The following EIF5A2 variants were observed in gnomAD, a reference collection of about 807,000 sequenced individuals.
EIF5A2 encodes eukaryotic translation initiation factor 5A-2.
A neutral mutation model predicts 16.4 loss-of-function variants in EIF5A2; 15 were observed. The observed-to-expected ratio is 0.92, with a 90% CI of 0.61 to 1.41. The LOEUF (loss-of-function observed/expected upper bound fraction) is 1.41, where lower values mean the gene tolerates loss of function less well. Among genes scored for constraint, EIF5A2 ranks in the 40% most tolerant of loss-of-function variants. The pLI, the probability that EIF5A2 is intolerant of heterozygous loss-of-function variation, is 0.00. For missense variants in EIF5A2, 144 were observed against 189.5 expected, an observed-to-expected ratio of 0.76 and a Z score of 1.41; for synonymous variants, 48 against 61.1, an observed-to-expected ratio of 0.79 and a Z score of 1.00.
In EIF5A2 at chr3:170,891,028, C is replaced by T. The variant is rs996498676; in HGVS notation, c.*2332G>A. ...AATATTTATGCATAAATAGCGTTTG[C>T]CATTCAAAGTATGAAGATAGAGATG... On this transcript the variant is annotated 3_prime_UTR_variant, in exon 5 of 5. Transcript: ENST00000295822. 1 of 152,394 alleles carries T rather than the reference C, an allele frequency of 6.6e-6. No homozygotes were observed. 9.4% of individuals were successfully genotyped at this position (152,394 alleles called of 1,614,324 possible). A position where few individuals can be genotyped will look rare whatever the true frequency, so the allele number is the denominator to read the frequency against.
chr3:170,893,537 G>A (rs2108291889), intron 4 of EIF5A2, 118 bp from the exon 5 acceptor site: 1 of 1,035,508 alleles, frequency 9.7e-7, no homozygotes. Flanking sequence ...TTCTGAAAGG[G>A]GTATTCCAAA....
At chr3:170,902,883 G>A (rs1405025443) in intron 3 of EIF5A2, among the ~76,000 whole-genome samples, 1 of 152,050 alleles carries the variant, frequency 6.6e-6, no homozygotes, top group Non-Finnish European at 1.5e-5. Context: ...GGGATTACAG[G>A]TGTGAGCCAC....
In EIF5A2 at chr3:170,892,768, A is replaced by G; in HGVS notation, c.*592T>C. On this transcript the variant is annotated 3_prime_UTR_variant, in exon 5 of 5. Coordinates refer to ENST00000295822, the MANE Select transcript of EIF5A2 (RefSeq NM_020390.6). ...AAGAAGGGACTAAAACCACCATATA[A>G]GGTTACATCAAGTTTGCCAACAATT... is the stretch of plus-strand genomic sequence containing the variant. 1 of 398,688 alleles carries G rather than the reference A, an allele frequency of 2.5e-6. No individual in the cohort carries two copies. Among genetic ancestry groups the G allele is most frequent in the Non-Finnish European group, 4.4e-6 (1 of 226,096 alleles). The allele number at this position is 398,688 out of a possible 1,614,324, so 24.7% of individuals were successfully genotyped here.
At position 170,907,028 on chromosome 3, in the gene EIF5A2, G is replaced by A. The variant is rs970808135; in HGVS notation, c.231C>T (p.His77=). Residue 77 remains histidine, a synonymous_variant, in exon 3 of 5, where the codon CAC becomes CAT. Transcript: ENST00000295822. ...KKYEDICPST[H]NMDVPNIKRN... is the part of the protein sequence containing the mutation. Reference sequence around the variant, plus strand: ...TCTTAATATTTGGAACATCCATGTTGTGAGTAGAAGGACAAATATCTTCAT... The same window carrying A: ...TCTTAATATTTGGAACATCCATGTTATGAGTAGAAGGACAAATATCTTCAT... The A allele has an allele frequency of 2.5e-6, 4 of 1,612,218 alleles. No homozygotes were observed. In the African/African-American group the frequency reaches 5.3e-5, roughly 22 times the overall value.
In EIF5A2 at chr3:170,907,809, T is replaced by C; in HGVS notation, c.-3A>G. On this transcript the variant is annotated 5_prime_UTR_variant, in exon 2 of 5. Transcript: ENST00000295822. ...GTGAAATCAATTTCGTCTGCCATGG[T>C]GGGCAGGGGAGATGGTAGTTTTTCC... The C allele has an allele frequency of 6.6e-7, 1 of 1,525,776 alleles. No homozygotes were observed. Among genetic ancestry groups the C allele is most frequent in the Non-Finnish European group, 8.9e-7 (1 of 1,123,310 alleles). The allele number at this position is 1,525,776 out of a possible 1,614,324, so 94.5% of individuals were successfully genotyped here. A position where few individuals can be genotyped will look rare whatever the true frequency, so the allele number is the denominator to read the frequency against.
intron 3 of EIF5A2, among the ~76,000 whole-genome samples, chr3:170,897,527 G>C (rs1337932686): frequency 6.6e-6 from 1 of 152,198 alleles, no homozygotes; most frequent in Admixed American, 6.5e-5. Flanking sequence ...GGTACAGCTT[G>C]GGCTGTTGCT....
In EIF5A2 at chr3:170,894,270, T is replaced by C. The variant is rs115572957; in HGVS notation, c.402+22A>G. On this transcript the variant is annotated intron_variant, in intron 4 of 4. Transcript: ENST00000295822. ...GTTTTTATAAAATGGTTTTCAAAAA[T>C]AATCCTTCTCTAAGTCTTTACCTGT... 11,486 of 1,606,570 alleles carry C rather than the reference T, an allele frequency of 7.1e-3. 320 individuals carry two copies. Among genetic ancestry groups the C allele is most frequent in the Admixed American group, 0.058 (3,458 of 59,156 alleles).
chr3:170,898,454 A>G (rs1316244556), intron 3 of EIF5A2, among the ~76,000 whole-genome samples: 2 of 152,150 alleles, frequency 1.3e-5, no homozygotes, highest in South Asian at 2.1e-4. Context: ...TCATGATAGT[A>G]AGTGAGTTCT....
intron 3 of EIF5A2, among the ~76,000 whole-genome samples, chr3:170,901,149 A>G (rs986502963): frequency 1.2e-4 from 18 of 152,362 alleles, no homozygotes; most frequent in African/African-American, 4.3e-4. Flanking sequence ...AAATCCATAC[A>G]GTGGGAAAGT....
Position 170,907,859 on chromosome 3 carries a change from G to A in EIF5A2, c.-35-18C>T. 6.8e-7 allele frequency: 1 copy of A among 1,479,144 alleles called. No individual in the cohort carries two copies. The allele number at this position is 1,479,144 out of a possible 1,614,324, so 91.6% of individuals were successfully genotyped here. On this transcript the variant is annotated intron_variant, in intron 1 of 4. Coordinates refer to ENST00000295822, the MANE Select transcript of EIF5A2 (RefSeq NM_020390.6). Reference sequence around the variant, plus strand: ...CGTGGGAACTACACAAAAAGTTTGTGTTTGCTTTTTAACAACGGGTATGTA... The same window carrying A: ...CGTGGGAACTACACAAAAAGTTTGTATTTGCTTTTTAACAACGGGTATGTA...
chr3:170,894,899 A>G (rs1712630118), intron 3 of EIF5A2, among the ~76,000 whole-genome samples: 1 of 151,502 alleles, frequency 6.6e-6, no homozygotes, highest in Non-Finnish European at 1.5e-5. Flanking sequence ...GGTGGCAGAC[A>G]CCTGTAGTCC....
chr3:170,900,843 G>A (rs931998159), intron 3 of EIF5A2, among the ~76,000 whole-genome samples: 2 of 152,138 alleles, frequency 1.3e-5, no homozygotes, highest in African/African-American at 2.4e-5. Flanking sequence ...TCTTTTTATA[G>A]AAGTATTCTG....
intron 3 of EIF5A2, among the ~76,000 whole-genome samples, chr3:170,901,647 C>T (rs1712817709): frequency 6.6e-6 from 1 of 151,712 alleles, no homozygotes; most frequent in South Asian, 2.1e-4. Context: ...CAACCTCCAC[C>T]TCCCTGGTGG....
intron 2 of EIF5A2, 106 bp downstream of exon 2, chr3:170,907,536 T>C (rs1430123657): frequency 1.5e-6 from 2 of 1,291,836 alleles, no homozygotes; most frequent in Non-Finnish European, 2.1e-6. Flanking sequence ...GAAAAAATAG[T>C]GCTTATTACA....
chr3:170,907,134 GTA>G, intron 2 of EIF5A2, 41 bp from the exon 3 acceptor site: 1 of 1,330,542 alleles, frequency 7.5e-7, no homozygotes, highest in African/African-American at 1.4e-5. Context: ...TCTCTGCCAA[GTA>G]TATCACTCAT....
intron 3 of EIF5A2, among the ~76,000 whole-genome samples, chr3:170,901,307 T>C (rs1284611157): frequency 6.6e-6 from 1 of 152,120 alleles, no homozygotes; most frequent in Non-Finnish European, 1.5e-5. Flanking sequence ...AAACAAAAAA[T>C]GCTATAGTAT....
chr3:170,893,803 T>C (rs1712592947), intron 4 of EIF5A2, among the ~76,000 whole-genome samples: 1 of 152,062 alleles, frequency 6.6e-6, no homozygotes, highest in African/African-American at 2.4e-5. Context: ...GAGGCCAAGG[T>C]TGGGGGATCA....
At chr3:170,893,443 A>C (rs778088916) in intron 4 of EIF5A2, 24 bp from the exon 5 acceptor site, 3 of 1,613,262 alleles carry the variant, frequency 1.9e-6, no homozygotes, top group Non-Finnish European at 2.5e-6. Context: ...AGCAGGCAAA[A>C]CGTTATTCAG....
At chr3:170,899,160 T>C (rs1335912599) in intron 3 of EIF5A2, among the ~76,000 whole-genome samples, 4 of 152,194 alleles carry the variant, frequency 2.6e-5, no homozygotes, top group African/African-American at 9.6e-5. Flanking sequence ...CTGGCTATCA[T>C]GTCAGTTTAG....
Sources: gnomAD v4.1 joint callset for allele counts (sites outside exome capture counted in the v4.1 genomes callset) on GRCh38, gnomAD v4.1.1 for gene constraint, MANE v1.5 for transcripts, NCBI Gene and HGNC (gene_info 2026-07-23, HGNC 2026-07-21) for gene names.